MYO10: variants seen among roughly 807,000 people sequenced by gnomAD.
MYO10 encodes unconventional myosin-X.
A neutral mutation model predicts 257.3 loss-of-function variants in MYO10; 133 were observed. The observed-to-expected ratio is 0.52, with a 90% CI of 0.45 to 0.60. MYO10 has a LOEUF of 0.60. MYO10 is among the 20% of genes least tolerant of loss of function. MYO10 has a pLI of 0.00. For missense variants in MYO10, 2,399 were observed against 2,635.7 expected, an observed-to-expected ratio of 0.91 and a Z score of 1.97; for synonymous variants, 1,104 against 1,028.6, an observed-to-expected ratio of 1.07 and a Z score of -1.40.
rs1318290204 is a variant in MYO10, at chr5:16,663,592, A to C, written c.*3100T>G. On this transcript the variant is annotated 3_prime_UTR_variant, in exon 41 of 41. Coordinates refer to ENST00000513610, the MANE Select transcript of MYO10 (RefSeq NM_012334.3). ...CACAGTGGCTCACACCTGTCATCCT[A>C]GCACTTTGGGAGGCTGAGGTGGAGG... is the stretch of plus-strand genomic sequence containing the variant. The C allele has an allele frequency of 2.0e-5, 3 of 151,904 alleles. No individual in the cohort carries two copies. The highest frequency in any genetic ancestry group is 4.4e-5 in the Non-Finnish European group (3 of 68,030). The allele number at this position is 151,904 out of a possible 1,614,324, so 9.4% of individuals were successfully genotyped here.
chr5:16,799,809 A>G (rs1742070088), intron 3 of MYO10, among the ~76,000 whole-genome samples: 1 of 152,088 alleles, frequency 6.6e-6, no homozygotes, highest in Non-Finnish European at 1.5e-5. Flanking sequence ...AGGACTCTTA[A>G]CAGCGGACGC....
intron 2 of MYO10, among the ~76,000 whole-genome samples, chr5:16,852,235 T>TA (rs59699107): frequency 1.8e-3 from 243 of 132,894 alleles, no homozygotes; most frequent in Non-Finnish European, 2.3e-3. Context: ...GAGTACAGGC[T>TA]AAAAAAAAAA....
chr5:16,757,010 T>C (rs1740546985), intron 18 of MYO10, among the ~76,000 whole-genome samples: 1 of 151,314 alleles, frequency 6.6e-6, no homozygotes. Context: ...TCCCAGCTAC[T>C]TGGGAGGCTG....
Position 16,924,433 on chromosome 5 carries a change from G to GCAGCTGC in MYO10, c.21+11348_21+11354dup, listed in dbSNP as rs952387839. Among the ~76,000 whole-genome samples, 9 of 152,204 alleles carry GCAGCTGC rather than the reference G, an allele frequency of 5.9e-5. 1 individual carries two copies. The highest frequency in any genetic ancestry group is 2.1e-4 in the South Asian group (1 of 4,824). ...CATCATGACAGGGTCTCTCAGCTGC[G>GCAGCTGC]CAGCTGCCAGCTGCACTGACACCTC... On this transcript the variant is annotated intron_variant, in intron 1 of 40. Transcript: ENST00000513610.
At chr5:16,679,369 C>T (rs1736877225) in intron 33 of MYO10, among the ~76,000 whole-genome samples, 1 of 152,234 alleles carries the variant, frequency 6.6e-6, no homozygotes, top group Non-Finnish European at 1.5e-5. Flanking sequence ...CCTCATCCTT[C>T]TGCCCACAGA....
intron 32 of MYO10, 101 bp from the exon 33 acceptor site, chr5:16,680,205 A>G (rs950200025): frequency 7.3e-7 from 1 of 1,360,948 alleles, no homozygotes; most frequent in Non-Finnish European, 9.9e-7. Context: ...TAATTATTCA[A>G]TTCAATAGAC....
intron 2 of MYO10, among the ~76,000 whole-genome samples, chr5:16,865,458 A>T (rs1289285697): frequency 6.6e-6 from 1 of 152,220 alleles, no homozygotes; most frequent in Non-Finnish European, 1.5e-5. Context: ...TTAAGAAAAG[A>T]TACAAACCAT....
intron 9 of MYO10, among the ~76,000 whole-genome samples, chr5:16,777,973 T>A (rs1251460175): frequency 1.4e-5 from 2 of 147,778 alleles, no homozygotes; most frequent in African/African-American, 5.0e-5. Context: ...CTCAGGCTCC[T>A]AAGTAGCTGG....
intron 9 of MYO10, among the ~76,000 whole-genome samples, chr5:16,773,280 G>A (rs376897387): frequency 1.3e-5 from 2 of 151,940 alleles, no homozygotes; most frequent in Non-Finnish European, 2.9e-5. Flanking sequence ...AAAGAAATAC[G>A]GTTAAGAAAT....
chr5:16,756,348 G>T (rs1740528080), intron 18 of MYO10, among the ~76,000 whole-genome samples: 1 of 152,212 alleles, frequency 6.6e-6, no homozygotes, highest in African/African-American at 2.4e-5. Context: ...TTACAGGCAT[G>T]TGTCACCATG....
chr5:16,792,418 G>A (rs1021170139), intron 4 of MYO10, among the ~76,000 whole-genome samples: 5 of 152,092 alleles, frequency 3.3e-5, no homozygotes, highest in Admixed American at 6.6e-5. Flanking sequence ...AGTCCAACAC[G>A]CAGAATCCTT....
rs552813454 is a variant in MYO10 at position 16,772,339 on chromosome 5, G to C, written c.931-3136C>G. On this transcript the variant is annotated intron_variant, in intron 9 of 40. Coordinates refer to ENST00000513610, the MANE Select transcript of MYO10 (RefSeq NM_012334.3). Reference sequence around the variant, plus strand: ...TAGAGACAGGGGGTTCTCCATGTTGGTCAGGCTGGTCTCGAACTCCCGACC... The same window carrying C: ...TAGAGACAGGGGGTTCTCCATGTTGCTCAGGCTGGTCTCGAACTCCCGACC... 1.1e-4 allele frequency among the ~76,000 whole-genome samples: 16 copies of C among 152,086 alleles called. No homozygotes were observed. The South Asian group carries it at 3.3e-3, about 32-fold the overall frequency.
chr5:16,804,328 G>A (rs375502984), intron 3 of MYO10, among the ~76,000 whole-genome samples: 9 of 152,208 alleles, frequency 5.9e-5, no homozygotes, highest in East Asian at 1.9e-4. Flanking sequence ...GATTTCCCTC[G>A]GGGTCTTTAC....
chr5:16,786,300 A>T (rs1194379442), intron 4 of MYO10, among the ~76,000 whole-genome samples: 2 of 152,178 alleles, frequency 1.3e-5, no homozygotes, highest in East Asian at 3.8e-4. Flanking sequence ...AAAACCCAGG[A>T]TTCTCGTCGT....
chr5:16,921,730 G>A (rs1745992096), intron 1 of MYO10, among the ~76,000 whole-genome samples: 1 of 152,006 alleles, frequency 6.6e-6, no homozygotes, highest in African/African-American at 2.4e-5. Context: ...ACATGATACA[G>A]TTGTTCTCAA....
In MYO10 at chr5:16,817,872, G is replaced by A. The variant is rs1404470172; in HGVS notation, c.279+137C>T. 7.3e-6 allele frequency: 6 copies of A among 822,608 alleles called. No homozygotes were observed. In the African/African-American group the frequency reaches 1.1e-4, roughly 14 times the overall value. 51.0% of individuals were successfully genotyped at this position (822,608 alleles called of 1,614,324 possible). ...ATGATTTTTGACCCAAGTTTCTAAT[G>A]TGGCAAATCCCTTGAAAACATAATT... On this transcript the variant is annotated intron_variant, in intron 3 of 40. Coordinates refer to ENST00000513610, the MANE Select transcript of MYO10 (RefSeq NM_012334.3).
At position 16,794,845 on chromosome 5, in the gene MYO10, G is replaced by A. The variant is rs772606731; in HGVS notation, c.280-12C>T. The A allele has an allele frequency of 6.1e-6, 9 of 1,476,336 alleles. No homozygotes were observed. The Admixed American group carries it at 1.9e-4, about 31-fold the overall frequency. The allele number at this position is 1,476,336 out of a possible 1,614,324, so 91.5% of individuals were successfully genotyped here. On this transcript the variant is annotated splice_polypyrimidine_tract_variant and intron_variant, in intron 3 of 40. Transcript: ENST00000513610. ...GAGCCGATGTAGGTCTGCAAGCACA[G>A]AGTGAGACAGGGATGCGTCACTTCT...
chr5:16,760,390 G>A (rs1740671540), intron 17 of MYO10, among the ~76,000 whole-genome samples: 1 of 151,350 alleles, frequency 6.6e-6, no homozygotes. Flanking sequence ...GAACCTGGGA[G>A]GTGGAGGTTG....
chr5:16,824,046 G>C (rs1226342841), intron 2 of MYO10, among the ~76,000 whole-genome samples: 2 of 152,106 alleles, frequency 1.3e-5, no homozygotes, highest in Non-Finnish European at 2.9e-5. Flanking sequence ...GGATTGGCGT[G>C]GGGGCAGAAC....
Sources: gnomAD v4.1 joint callset for allele counts (sites outside exome capture counted in the v4.1 genomes callset) on GRCh38, gnomAD v4.1.1 for gene constraint, MANE v1.5 for transcripts, NCBI Gene and HGNC (gene_info 2026-07-23, HGNC 2026-07-21) for gene names.